The following PCMT1 variants were observed in gnomAD, a reference collection of about 807,000 sequenced individuals.
PCMT1 encodes the protein protein-L-isoaspartate(D-aspartate) O-methyltransferase.
A neutral mutation model predicts 29.2 loss-of-function variants in PCMT1; 9 were observed. The ratio of observed to expected loss-of-function variants is 0.31; its 90% CI spans 0.19 to 0.54. The LOEUF is 0.54. Among genes scored for constraint, PCMT1 ranks in the 20% least tolerant of loss-of-function variants. The pLI is 0.95. For synonymous variants in PCMT1, 98 were observed against 97.5 expected, an observed-to-expected ratio of 1.00 and a Z score of -0.03; for missense variants, 184 against 282.2, an observed-to-expected ratio of 0.65 and a Z score of 2.49.
At chr6:149,769,127 C>T (rs1787205927) in intron 1 of PCMT1, among the ~76,000 whole-genome samples, 2 of 151,794 alleles carry the variant, frequency 1.3e-5, no homozygotes, top group Non-Finnish European at 2.9e-5. Flanking sequence ...TTTCTTTTTA[C>T]ATTAGATTTG....
chr6:149,800,538 T>C (rs190562611), intron 6 of PCMT1, among the ~76,000 whole-genome samples: 18 of 152,258 alleles, frequency 1.2e-4, no homozygotes, highest in Admixed American at 1.1e-3. Context: ...TTCTTTAATG[T>C]TTTTTATTAA....
At chr6:149,763,713 G>A (rs568202667) in intron 1 of PCMT1, among the ~76,000 whole-genome samples, 1 of 152,178 alleles carries the variant, frequency 6.6e-6, no homozygotes, top group South Asian at 2.1e-4. Flanking sequence ...TATCCATCTA[G>A]AGAAGAATGA....
intron 6 of PCMT1, among the ~76,000 whole-genome samples, chr6:149,799,968 T>C (rs1788760697): frequency 6.6e-6 from 1 of 152,198 alleles, no homozygotes; most frequent in Non-Finnish European, 1.5e-5. Context: ...ATCTAGCGTA[T>C]GTTTTGAAAT....
At chr6:149,808,806 A>T (rs567304518) in intron 7 of PCMT1, among the ~76,000 whole-genome samples, 5 of 151,644 alleles carry the variant, frequency 3.3e-5, no homozygotes, top group South Asian at 2.1e-4. Flanking sequence ...CCGGCTAATT[A>T]TTTGTATTTT....
At chr6:149,786,397 G>A (rs1788082837) in intron 3 of PCMT1, among the ~76,000 whole-genome samples, 1 of 137,442 alleles carries the variant, frequency 7.3e-6, no homozygotes, top group African/African-American at 2.8e-5. Flanking sequence ...CGGACGGGGT[G>A]GCTGGCCGGG....
chr6:149,795,213 G>C, intron 5 of PCMT1: 1 of 366,456 alleles, frequency 2.7e-6, no homozygotes, highest in Non-Finnish European at 5.2e-6. Context: ...AAAAAGAAAT[G>C]TTAACTTCTC....
intron 5 of PCMT1, chr6:149,794,647 G>A (rs1256076218): frequency 1.2e-5 from 3 of 253,206 alleles, no homozygotes; most frequent in African/African-American, 6.1e-5. Context: ...ATAAAGGCCC[G>A]GGCAGCTCTA....
At chr6:149,796,527 T>C (rs1788618876) in intron 6 of PCMT1, 27 bp downstream of exon 6, 1 of 1,539,410 alleles carries the variant, frequency 6.5e-7, no homozygotes, top group Non-Finnish European at 8.9e-7. Context: ...TCTGTTTGTG[T>C]GTTTTTATTC....
chr6:149,790,649 G>A (rs550102627), intron 4 of PCMT1, among the ~76,000 whole-genome samples: 1 of 151,970 alleles, frequency 6.6e-6, no homozygotes, highest in Admixed American at 6.6e-5. Context: ...GCATGTGGCT[G>A]GGGGAGACAG....
chr6:149,770,400 G>A (rs1037208215), intron 1 of PCMT1, among the ~76,000 whole-genome samples: 3 of 151,992 alleles, frequency 2.0e-5, no homozygotes, highest in African/African-American at 7.3e-5. Context: ...AGTTTTCTGT[G>A]TCCTTGCTGT....
chr6:149,810,684 C>T lies in PCMT1; in HGVS notation c.*106C>T, dbSNP rs77141358. Reference sequence around the variant, plus strand: ...ACAGTGGATTGCTCATCTCAGTCCTCAAAGCTTTTTGAAAACCAACACCAT... The same window carrying T: ...ACAGTGGATTGCTCATCTCAGTCCTTAAAGCTTTTTGAAAACCAACACCAT... On this transcript the variant is annotated 3_prime_UTR_variant, in exon 8 of 8. Transcript: ENST00000464889. 248 of 1,423,430 alleles carry T rather than the reference C, an allele frequency of 1.7e-4. No individual in the cohort carries two copies. The East Asian group carries it at 2.4e-3, about 14-fold the overall frequency. 88.2% of individuals were successfully genotyped at this position (1,423,430 alleles called of 1,614,324 possible).
chr6:149,802,181 T>C lies in PCMT1; in HGVS notation c.505-19T>C, dbSNP rs773299528. 5 of 157,760 alleles carry C rather than the reference T, an allele frequency of 3.2e-5. No individual in the cohort carries two copies. Among genetic ancestry groups the C allele is most frequent in the Non-Finnish European group, 3.8e-5 (5 of 133,262 alleles). 9.8% of individuals were successfully genotyped at this position (157,760 alleles called of 1,614,324 possible). A position where few individuals can be genotyped will look rare whatever the true frequency, so the allele number is the denominator to read the frequency against. On this transcript the variant is annotated intron_variant, in intron 6 of 7. Transcript: ENST00000464889. ...ATCTGTAACTTGGTGATGTATGTGC[T>C]TTTTTTTTTTTCTTTTAGCTAATAG...
intron 1 of PCMT1, among the ~76,000 whole-genome samples, chr6:149,758,871 T>C (rs1199449178): frequency 1.3e-5 from 2 of 152,110 alleles, no homozygotes; most frequent in Non-Finnish European, 2.9e-5. Flanking sequence ...TTAATTATAT[T>C]GTGAATTTTT....
At chr6:149,802,576 A>G in intron 7 of PCMT1, 160 bp downstream of exon 7, 1 of 1,101,814 alleles carries the variant, frequency 9.1e-7, no homozygotes, top group East Asian at 3.4e-5. Context: ...ATCTTTGGGA[A>G]AGGGAGGGTG....
intron 1 of PCMT1, among the ~76,000 whole-genome samples, chr6:149,760,406 G>C (rs1486027933): frequency 6.6e-6 from 1 of 152,134 alleles, no homozygotes; most frequent in African/African-American, 2.4e-5. Flanking sequence ...AGACTAATAT[G>C]GTGGTTCCAT....
At chr6:149,799,718 G>A (rs1419270193) in intron 6 of PCMT1, among the ~76,000 whole-genome samples, 1 of 152,160 alleles carries the variant, frequency 6.6e-6, no homozygotes, top group Non-Finnish European at 1.5e-5. Context: ...ATCAGGCAGA[G>A]GCATGGAAGT....
rs200713225 is a variant in PCMT1 at position 149,801,122 on chromosome 6, G to GT, written c.505-1074dup. 5.8e-3 allele frequency among the ~76,000 whole-genome samples: 879 copies of GT among 152,258 alleles called. 15 individuals carry two copies. The highest frequency in any genetic ancestry group is 0.02 in the African/African-American group (836 of 41,554). On this transcript the variant is annotated intron_variant, in intron 6 of 7. Coordinates refer to ENST00000464889, the MANE Select transcript of PCMT1 (RefSeq NM_001360452.2). ...CTCCAAAATATTTGGGACCAGAAGTGTTTTGGATTTTGGATTTTTTCAGAT... is the reference window on the plus strand; with the variant it reads ...CTCCAAAATATTTGGGACCAGAAGTGTTTTTGGATTTTGGATTTTTTCAGAT...
chr6:149,787,304 G>GGGAGAGGGAGACCGTGT, intron 3 of PCMT1, among the ~76,000 whole-genome samples: 1 of 149,622 alleles, frequency 6.7e-6, no homozygotes, highest in East Asian at 2.0e-4. Flanking sequence ...GGAGACCGTG[G>GGGAGAGGGAGACCGTGT]GGAGAGGGAG....
intron 3 of PCMT1, among the ~76,000 whole-genome samples, chr6:149,785,015 C>T (rs899839046): frequency 4.6e-5 from 7 of 151,586 alleles, no homozygotes; most frequent in African/African-American, 1.7e-4. Context: ...TATTTTTGGT[C>T]TTGTTTCAGT....
Sources: gnomAD v4.1 joint callset for allele counts (sites outside exome capture counted in the v4.1 genomes callset) on GRCh38, gnomAD v4.1.1 for gene constraint, MANE v1.5 for transcripts, NCBI Gene and HGNC (gene_info 2026-07-23, HGNC 2026-07-21) for gene names.